ADAMTS13: variants seen among roughly 807,000 people sequenced by gnomAD.
ADAMTS13 encodes ADAM metallopeptidase with thrombospondin type 1 motif 13, also known as A disintegrin and metalloproteinase with thrombospondin motifs 13.
Under a neutral mutation model 155.1 loss-of-function variants are expected in ADAMTS13, and 110 were observed. The observed-to-expected ratio is 0.71, with a 90% CI of 0.61 to 0.83. ADAMTS13 has a LOEUF of 0.83. Ranked by LOEUF, ADAMTS13 falls within the 40% of genes least tolerant of loss-of-function variation. The pLI is 0.00. For missense variants in ADAMTS13, 1,707 were observed against 1,891.7 expected (o/e 0.90, Z 1.81); for synonymous variants, 758 against 756.4 (o/e 1.00, Z -0.03).
chr9:133,415,070 T>A lies in ADAMTS13; in HGVS notation n.287+426T>A, dbSNP rs890061251. On this transcript the variant is annotated intron_variant and non_coding_transcript_variant, in intron 1 of 17. Transcript: ENST00000485925. ...AATTTGGAAATTACACACAGCAGAT[T>A]GAAAAAACTTACGTGTGTATGTATA... 3 of 1,425,264 alleles carry A rather than the reference T, an allele frequency of 2.1e-6. No homozygotes were observed. The Middle Eastern group carries it at 5.5e-4, about 262-fold the overall frequency. 88.3% of individuals were successfully genotyped at this position (1,425,264 alleles called of 1,614,324 possible).
intron 16 of ADAMTS13, 124 bp from the exon 17 acceptor site, chr9:133,442,275 A>C: frequency 6.7e-7 from 1 of 1,494,426 alleles, no homozygotes; most frequent in South Asian, 1.1e-5. Context: ...CTGGCCAGTG[A>C]TTGCTTGCTG....
chr9:133,455,536 G>A lies in ADAMTS13; in HGVS notation c.3400+101G>A, dbSNP rs782533352. ...TGGAGTGGTCCCAGGCCCGGGGCCT[G>A]CTCTTCTCCCCGGCTCCCCAGCCTC... On this transcript the variant is annotated intron_variant, in intron 25 of 28. Transcript: ENST00000355699. 12 of 1,610,540 alleles carry A rather than the reference G, an allele frequency of 7.5e-6. No homozygotes were observed. The African/African-American group carries it at 1.5e-4, about 20-fold the overall frequency.
chr9:133,419,575 A>G (rs1002468217), upstream of ADAMTS13, among the ~76,000 whole-genome samples: 1 of 152,138 alleles, frequency 6.6e-6, no homozygotes, highest in Non-Finnish European at 1.5e-5. Context: ...GAGGGGGAGC[A>G]GTCAGTGCAG....
chr9:133,415,028 A>C (rs781813654), intron 1 of ADAMTS13: 1 of 1,565,522 alleles, frequency 6.4e-7, no homozygotes, highest in South Asian at 1.2e-5. Flanking sequence ...CCCAAAATAA[A>C]ATACATGCTG....
intron 7 of ADAMTS13, among the ~76,000 whole-genome samples, chr9:133,429,535 T>A (rs1326085925): frequency 3.8e-5 from 1 of 26,510 alleles, no homozygotes; most frequent in Non-Finnish European, 6.8e-5. Flanking sequence ...CTTCACCCCC[T>A]TACCCTTCGT....
intron 8 of ADAMTS13, among the ~76,000 whole-genome samples, chr9:133,432,253 G>A (rs1840823718): frequency 6.6e-6 from 1 of 151,624 alleles, no homozygotes; most frequent in Non-Finnish European, 1.5e-5. Flanking sequence ...CAACAAGAGC[G>A]AAACTGTCTC....
intron 21 of ADAMTS13, among the ~76,000 whole-genome samples, chr9:133,446,351 C>T (rs1001751036): frequency 2.0e-5 from 3 of 152,144 alleles, no homozygotes; most frequent in Non-Finnish European, 2.9e-5. Context: ...TTTCCCCCTC[C>T]GCAGCCCCTG....
chr9:133,418,180 G>C (rs944691432), upstream of ADAMTS13: 5 of 366,534 alleles, frequency 1.4e-5, no homozygotes, highest in East Asian at 3.0e-4. Context: ...TTTGACTGGG[G>C]CAAGCCGAGG....
chr9:133,449,607 T>C (rs1236550339), intron 22 of ADAMTS13, among the ~76,000 whole-genome samples, 176 bp from the exon 23 acceptor site: 1 of 152,158 alleles, frequency 6.6e-6, no homozygotes, highest in Admixed American at 6.5e-5. Flanking sequence ...AAATGTTCTG[T>C]CCACTCTGCC....
At chr9:133,414,834 C>T in intron 1 of ADAMTS13, 1 of 1,614,182 alleles carries the variant, frequency 6.2e-7, no homozygotes. Context: ...ATCTTGGAAC[C>T]TGAAGGAACA....
chr9:133,426,363 C>G lies in ADAMTS13; in HGVS notation c.686+18C>G. The G allele has an allele frequency of 6.3e-7, 1 of 1,599,198 alleles. No homozygotes were observed. Among genetic ancestry groups the G allele is most frequent in the Non-Finnish European group, 8.5e-7 (1 of 1,179,924 alleles). ...GGGCACAGGTATGTAGCCCCACCAGCTGTCCCCAGGATCTGGCAAGGAGCT... is the reference window on the plus strand; with the variant it reads ...GGGCACAGGTATGTAGCCCCACCAGGTGTCCCCAGGATCTGGCAAGGAGCT... On this transcript the variant is annotated intron_variant, in intron 6 of 28. Coordinates refer to ENST00000355699, the MANE Select transcript of ADAMTS13 (RefSeq NM_139027.6).
chr9:133,437,969 T>G, intron 13 of ADAMTS13, 72 bp downstream of exon 13: 1 of 1,605,320 alleles, frequency 6.2e-7, no homozygotes, highest in Non-Finnish European at 8.5e-7. Context: ...GGGGGCAGGT[T>G]GGTGGGTGCT....
intron 5 of ADAMTS13, 57 bp from the exon 6 acceptor site, chr9:133,426,142 A>G: frequency 6.2e-7 from 1 of 1,613,878 alleles, no homozygotes. Context: ...TGCAAAGGTG[A>G]CCCCAGGGCA....
rs978677428 is a variant in ADAMTS13 at position 133,449,833 on chromosome 9, T to C, written c.2912T>C (p.Val971Ala). Residue 971 changes from valine (V) to alanine (A), a missense_variant, in exon 23 of 29, where the codon GTG becomes GCG. Around this residue, in one of 3 missense-constraint regions of ADAMTS13, gnomAD observed 961 missense variants for 1,107.9 expected, o/e 0.87. Coordinates refer to ENST00000355699, the MANE Select transcript of ADAMTS13 (RefSeq NM_139027.6). ...ACSVSCGRGV[V>A]RRILYCARAH... is the part of the protein sequence containing the mutation. ...AGCGTGAGCTGTGGGAGAGGGGTCG[T>C]GCGGAGGATCCTGTATTGTGCCCGG... 1.9e-5 allele frequency: 30 copies of C among 1,613,870 alleles called. No homozygotes were observed. Among genetic ancestry groups the C allele is most frequent in the Admixed American group, 3.3e-5 (2 of 59,978 alleles).
chr9:133,415,005 G>A lies in ADAMTS13; in HGVS notation n.287+361G>A, dbSNP rs781822155. 2.5e-6 allele frequency: 4 copies of A among 1,579,622 alleles called. No homozygotes were observed. In the South Asian group the frequency reaches 4.7e-5, roughly 19 times the overall value. On this transcript the variant is annotated intron_variant and non_coding_transcript_variant, in intron 1 of 17. Transcript: ENST00000485925. ...TCTGGGGCCTGAGATTTTTGTTTCA[G>A]CAGCCACTGGGACCCAAAATAAAAT...
chr9:133,455,326 C>T lies in ADAMTS13; in HGVS notation c.3291C>T (p.Asp1097=), dbSNP rs1430676158. The change falls in exon 25 of 29, where the codon GAC becomes GAT. Residue 1097 remains aspartate (D), a synonymous_variant. Coordinates refer to ENST00000355699, the MANE Select transcript of ADAMTS13 (RefSeq NM_139027.6). ...GGGATGGCATCCAGCGCCGGCGTGACACCTGCCTCGGACCCCAGGCCCAGG... is the reference window on the plus strand; with the variant it reads ...GGGATGGCATCCAGCGCCGGCGTGATACCTGCCTCGGACCCCAGGCCCAGG... ...SCGDGIQRRR[D]TCLGPQAQAP... 1.9e-6 allele frequency: 3 copies of T among 1,607,708 alleles called. No homozygotes were observed. Among genetic ancestry groups the T allele is most frequent in the Non-Finnish European group, 2.5e-6 (3 of 1,179,980 alleles).
chr9:133,429,178 C>CCCTCCCACCCACCT (rs1564412850), intron 7 of ADAMTS13, among the ~76,000 whole-genome samples: 15 of 109,406 alleles, frequency 1.4e-4, no homozygotes, highest in Non-Finnish European at 2.5e-4. Flanking sequence ...CCCACCCCCC[C>CCCTCCCACCCACCT]GTCCCACCCA....
chr9:133,438,096 C>A (rs1841388887), intron 13 of ADAMTS13, 150 bp from the exon 14 acceptor site: 1 of 1,489,408 alleles, frequency 6.7e-7, no homozygotes, highest in Non-Finnish European at 9.2e-7. Flanking sequence ...TCACTGAGCC[C>A]TCTAAGCTTG....
chr9:133,417,664 T>G (rs1839743108), upstream of ADAMTS13: 1 of 1,613,970 alleles, frequency 6.2e-7, no homozygotes, highest in Admixed American at 1.7e-5. Flanking sequence ...TCTGGTGCCT[T>G]TGGAGGTCGC....
Sources: gnomAD v4.1 joint callset for allele counts (sites outside exome capture counted in the v4.1 genomes callset) on GRCh38, gnomAD v4.1.1 for gene constraint, gnomAD v4.1.1 regional missense constraint, MANE v1.5 for transcripts, NCBI Gene and HGNC (gene_info 2026-07-23, HGNC 2026-07-21) for gene names.